SCAPER: variants seen among roughly 807,000 people sequenced by gnomAD.
SCAPER encodes S phase cyclin A-associated protein in the endoplasmic reticulum.
SCAPER carries 98 observed loss-of-function variants against 182.2 expected under a neutral mutation model. The observed-to-expected ratio is 0.54, with a 90% CI of 0.46 to 0.64. The LOEUF is 0.64. Among genes scored for constraint, SCAPER ranks in the 30% least tolerant of loss-of-function variants. The pLI, the probability that SCAPER is intolerant of heterozygous loss-of-function variation, is 0.00. For synonymous variants in SCAPER, 605 were observed against 564.6 expected (o/e 1.07, Z -1.01); for missense variants, 1,432 against 1,690.0 (o/e 0.85, Z 2.68).
Position 76,844,022 on chromosome 15 carries a change from T to G in SCAPER, c.196-2091A>C, listed in dbSNP as rs915926011. The stretch of plus-strand genomic sequence containing the variant: ...ACCAGTACTAATATTATCTCCATTT[T>G]ACAGAGGAGGAAACAGGTTTAGCTA... On this transcript the variant is annotated intron_variant, in intron 4 of 31. Coordinates refer to ENST00000563290, the MANE Select transcript of SCAPER (RefSeq NM_020843.4). Among the ~76,000 whole-genome samples, 18 of 152,238 alleles carry G rather than the reference T, an allele frequency of 1.2e-4. No individual in the cohort carries two copies. In the East Asian group the frequency reaches 2.9e-3, roughly 24 times the overall value.
intron 2 of SCAPER, among the ~76,000 whole-genome samples, chr15:76,871,825 A>C (rs1375006281): frequency 6.6e-6 from 1 of 152,052 alleles, no homozygotes; most frequent in African/African-American, 2.4e-5. Context: ...TCCTGACCTC[A>C]AGTGATCCAC....
intron 24 of SCAPER, among the ~76,000 whole-genome samples, chr15:76,488,897 A>G (rs983181037): frequency 1.3e-5 from 2 of 150,140 alleles, no homozygotes; most frequent in African/African-American, 4.9e-5. Flanking sequence ...TAATTTTTGT[A>G]TTTTTAGTAG....
intron 25 of SCAPER, among the ~76,000 whole-genome samples, chr15:76,458,556 A>G (rs1016042186): frequency 3.3e-5 from 5 of 152,090 alleles, no homozygotes; most frequent in Non-Finnish European, 7.4e-5. Context: ...AACCCAATAT[A>G]TAATATTTGT....
intron 4 of SCAPER, among the ~76,000 whole-genome samples, chr15:76,843,590 T>G (rs1407966973): frequency 1.3e-5 from 2 of 152,124 alleles, no homozygotes; most frequent in South Asian, 2.1e-4. Flanking sequence ...AAAATAAGCT[T>G]GTAGAAAAAA....
At chr15:76,702,775 G>T in intron 19 of SCAPER, 75 bp downstream of exon 19, 1 of 1,522,770 alleles carries the variant, frequency 6.6e-7, no homozygotes, top group Non-Finnish European at 8.8e-7. Context: ...TTAAAAGACT[G>T]CAAGAATATA....
chr15:76,795,294 GC>G lies in SCAPER; in HGVS notation c.757del (p.Ala253ProfsTer29). 6.2e-7 allele frequency: 1 copy of G among 1,609,654 alleles called. No individual in the cohort carries two copies. Among genetic ancestry groups the G allele is most frequent in the Non-Finnish European group, 8.5e-7 (1 of 1,177,626 alleles). On this transcript the variant is annotated frameshift_variant, in exon 8 of 32. Coordinates refer to ENST00000563290, the MANE Select transcript of SCAPER (RefSeq NM_020843.4). LOFTEE classifies it high-confidence loss of function. ...QSCPPMTVQK[A>X]SRKNERKDAE... Reference sequence around the variant, plus strand: ...AAGTCACTTGCCATTTTTGCGTGAGGCCTTCTGCACTGTCATTGGTGGGCAA... The same window carrying G: ...AAGTCACTTGCCATTTTTGCGTGAGGCTTCTGCACTGTCATTGGTGGGCAA...
At chr15:76,365,089 G>C (rs1053846173) in intron 29 of SCAPER, among the ~76,000 whole-genome samples, 1 of 152,046 alleles carries the variant, frequency 6.6e-6, no homozygotes, top group Non-Finnish European at 1.5e-5. Flanking sequence ...TGGATGTCTG[G>C]AACAGTGCCT....
chr15:76,558,530 G>A (rs2046355780), intron 23 of SCAPER, among the ~76,000 whole-genome samples: 1 of 152,188 alleles, frequency 6.6e-6, no homozygotes, highest in Admixed American at 6.5e-5. Context: ...ATGAACAGAT[G>A]CTGGTGAAGT....
At chr15:76,711,934 T>C (rs1178455042) in intron 17 of SCAPER, among the ~76,000 whole-genome samples, 1 of 152,188 alleles carries the variant, frequency 6.6e-6, no homozygotes, top group Non-Finnish European at 1.5e-5. Context: ...AGAAGGTCTT[T>C]AGTTTAATTA....
intron 27 of SCAPER, among the ~76,000 whole-genome samples, chr15:76,388,049 C>A (rs1172811959): frequency 6.6e-6 from 1 of 152,196 alleles, no homozygotes; most frequent in Non-Finnish European, 1.5e-5. Flanking sequence ...TATGACTATT[C>A]TGGAAGTACT....
At chr15:76,849,144 C>T (rs755656564) in intron 4 of SCAPER, among the ~76,000 whole-genome samples, 3 of 152,112 alleles carry the variant, frequency 2.0e-5, no homozygotes, top group Non-Finnish European at 4.4e-5. Context: ...CTCCCTGCTC[C>T]CCAACAAACA....
chr15:76,882,821 C>T (rs779217707), intron 2 of SCAPER, among the ~76,000 whole-genome samples: 5 of 152,190 alleles, frequency 3.3e-5, no homozygotes, highest in Admixed American at 2.6e-4. Context: ...CCCACCACCA[C>T]GCCAGGCTAA....
chr15:76,639,442 C>T (rs1054927023), intron 21 of SCAPER, among the ~76,000 whole-genome samples: 5 of 152,190 alleles, frequency 3.3e-5, no homozygotes, highest in Admixed American at 6.5e-5. Flanking sequence ...AGGCTTGTTG[C>T]TCCCCACTGA....
intron 14 of SCAPER, among the ~76,000 whole-genome samples, chr15:76,758,035 T>C (rs1179645981): frequency 6.6e-6 from 1 of 152,210 alleles, no homozygotes; most frequent in Non-Finnish European, 1.5e-5. Flanking sequence ...TATTTTCCCA[T>C]TCCATAGCTG....
At chr15:76,706,640 T>A (rs2059276994) in intron 17 of SCAPER, among the ~76,000 whole-genome samples, 1 of 152,106 alleles carries the variant, frequency 6.6e-6, no homozygotes. Context: ...AAGACCTGCA[T>A]TCAGGACAGA....
intron 22 of SCAPER, among the ~76,000 whole-genome samples, chr15:76,591,284 G>A (rs1038999831): frequency 8.8e-5 from 13 of 147,372 alleles, no homozygotes; most frequent in South Asian, 4.2e-4. Context: ...GAACCCTTCC[G>A]AGTGCAGGCT....
intron 27 of SCAPER, among the ~76,000 whole-genome samples, chr15:76,389,031 T>G (rs2043478280): frequency 6.6e-6 from 1 of 152,054 alleles, no homozygotes; most frequent in African/African-American, 2.4e-5. Context: ...TCTCTGACCT[T>G]TTATGTTATT....
chr15:76,790,253 C>G (rs1217639442), intron 8 of SCAPER, among the ~76,000 whole-genome samples: 1 of 151,102 alleles, frequency 6.6e-6, no homozygotes, highest in African/African-American at 2.4e-5. Context: ...AAATGTACAT[C>G]AATGTTCAAG....
At chr15:76,795,020 T>C (rs183460220) in intron 8 of SCAPER, among the ~76,000 whole-genome samples, 27 of 152,292 alleles carry the variant, frequency 1.8e-4, no homozygotes, top group Non-Finnish European at 3.5e-4. Context: ...CTAAAGGATC[T>C]TATAATGAAT....
Sources: gnomAD v4.1 joint callset for allele counts (sites outside exome capture counted in the v4.1 genomes callset) on GRCh38, gnomAD v4.1.1 for gene constraint, MANE v1.5 for transcripts, NCBI Gene and HGNC (gene_info 2026-07-23, HGNC 2026-07-21) for gene names.